NCOR2: variants seen among roughly 807,000 people sequenced by gnomAD.
NCOR2 encodes the protein CTG repeat protein 26.
Under a neutral mutation model 262.9 loss-of-function variants are expected in NCOR2, and 81 were observed. The ratio of observed to expected loss-of-function variants is 0.31; its 90% CI spans 0.26 to 0.37. NCOR2 has a LOEUF of 0.37. Ranked by LOEUF, NCOR2 falls within the 10% of genes least tolerant of loss-of-function variation. The pLI is 1.00. For missense variants in NCOR2, 3,385 were observed against 3,621.4 expected (o/e 0.93, Z 1.68); for synonymous variants, 1,659 against 1,559.3 (o/e 1.06, Z -1.51).
intron 9 of NCOR2, among the ~76,000 whole-genome samples, chr12:124,430,309 C>T (rs2043841980): frequency 6.6e-6 from 1 of 152,240 alleles, no homozygotes; most frequent in Non-Finnish European, 1.5e-5. Flanking sequence ...CTTTGTCCCA[C>T]ACCAGGGATC....
In NCOR2 at chr12:124,549,734, C is replaced by T. The variant is rs560631817; in HGVS notation, c.-164-14123G>A. On this transcript the variant is annotated intron_variant, in intron 1 of 32. Transcript: ENST00000458234. The surrounding 1 kb of genome is among the most constrained non-coding windows in gnomAD (Gnocchi z 4.4). ...CCCGCCTGAAGGTGACAGAGCGCCTCGCCGTATCACCAGCAACCCCTCAAG... is the reference window on the plus strand; with the variant it reads ...CCCGCCTGAAGGTGACAGAGCGCCTTGCCGTATCACCAGCAACCCCTCAAG... 1.3e-5 allele frequency among the ~76,000 whole-genome samples: 2 copies of T among 152,262 alleles called. No homozygotes were observed. Among genetic ancestry groups the T allele is most frequent in the East Asian group, 3.9e-4 (2 of 5,182 alleles).
chr12:124,354,771 C>A (rs2271140), intron 25 of NCOR2, 66 bp downstream of exon 27: 1 of 1,491,728 alleles, frequency 6.7e-7, no homozygotes, highest in African/African-American at 1.4e-5. Context: ...CTTCCTCCCC[C>A]GCCCCACCCA....
At chr12:124,339,416 C>T (rs2135808569) in intron 37 of NCOR2, among the ~76,000 whole-genome samples, 1 of 149,960 alleles carries the variant, frequency 6.7e-6, no homozygotes. Flanking sequence ...CCCACCCACC[C>T]ACACAGCTAA....
chr12:124,354,762 T>C, intron 25 of NCOR2, 75 bp downstream of exon 27: 1 of 1,444,236 alleles, frequency 6.9e-7, no homozygotes, highest in Admixed American at 2.0e-5. Flanking sequence ...AAGATACCCC[T>C]TCCTCCCCCG....
chr12:124,473,556 T>C (rs1375358331), intron 3 of NCOR2, among the ~76,000 whole-genome samples: 1 of 152,172 alleles, frequency 6.6e-6, no homozygotes, highest in African/African-American at 2.4e-5. Context: ...TGTGAGTTAA[T>C]ACTCCTTAAT....
chr12:124,492,870 G>A (rs2048168092), intron 1 of NCOR2, among the ~76,000 whole-genome samples: 1 of 152,076 alleles, frequency 6.6e-6, no homozygotes, highest in Non-Finnish European at 1.5e-5. Context: ...TCTTCCTCCT[G>A]CCCTTCAAGA....
At chr12:124,405,733 C>G (rs1394520100) in intron 13 of NCOR2, among the ~76,000 whole-genome samples, 1 of 152,222 alleles carries the variant, frequency 6.6e-6, no homozygotes, top group Non-Finnish European at 1.5e-5. Context: ...GAGGTCCCAG[C>G]TCACAACTCC....
rs547840009 is a variant in NCOR2 at position 124,557,621 on chromosome 12, G to C, written c.-165+9687C>G. Among the ~76,000 whole-genome samples, 4 of 152,326 alleles carry C rather than the reference G, an allele frequency of 2.6e-5. No individual in the cohort carries two copies. The South Asian group carries it at 8.3e-4, about 32-fold the overall frequency. ...CAGGAGGGACGTGAATGGGTGGGAA[G>C]GTGGCACAGGCACTGTCCAACAACA... On this transcript the variant is annotated intron_variant, in intron 1 of 32. Transcript: ENST00000458234.
upstream of NCOR2, chr12:124,539,477 AG>A (rs1279499754): frequency 6.6e-6 from 1 of 152,124 alleles, no homozygotes; most frequent in Non-Finnish European, 1.5e-5. The surrounding 1 kb of genome is among the most constrained non-coding windows in gnomAD (Gnocchi z 5.1). Context: ...CCTCCCAGGC[AG>A]GCTGGGGGAA....
intron 23 of NCOR2, among the ~76,000 whole-genome samples, chr12:124,356,180 C>T (rs1488445272): frequency 4.6e-5 from 7 of 152,224 alleles, no homozygotes; most frequent in Non-Finnish European, 7.3e-5. Flanking sequence ...ACGCATCCCT[C>T]GGGACCAGCC....
intron 22 of NCOR2, 52 bp downstream of exon 24, chr12:124,362,074 C>A (rs979463670): frequency 1.6e-6 from 2 of 1,247,440 alleles, no homozygotes. Context: ...ACATCCCTTG[C>A]CCGTCAGTCC....
At chr12:124,340,967 C>T (rs73419843) in intron 34 of NCOR2, among the ~76,000 whole-genome samples, 5 of 152,316 alleles carry the variant, frequency 3.3e-5, no homozygotes, top group South Asian at 2.1e-4. Flanking sequence ...CTCCCAAGCC[C>T]GAGCCGGGGC....
chr12:124,521,784 G>A (rs1227233797), intron 1 of NCOR2, among the ~76,000 whole-genome samples: 2 of 152,122 alleles, frequency 1.3e-5, no homozygotes, highest in African/African-American at 2.4e-5. Context: ...TAAATAGGCC[G>A]GGCGCAGTGG....
Position 124,334,410 on chromosome 12 carries a change from C to T in NCOR2, c.6605+14G>A, listed in dbSNP as rs1278162913. 2.0e-6 allele frequency: 3 copies of T among 1,522,174 alleles called. No homozygotes were observed. The highest frequency in any genetic ancestry group is 1.8e-6 in the Non-Finnish European group (2 of 1,134,922). 94.3% of individuals were successfully genotyped at this position (1,522,174 alleles called of 1,614,324 possible). On this transcript the variant is annotated intron_variant, in intron 41 of 46. Transcript: ENST00000405201. ...CCGGCTGACCAGCAAGAGGCACCCCCATCCCTCGCTCACCTCTTGCCCCCT... is the reference window on the plus strand; with the variant it reads ...CCGGCTGACCAGCAAGAGGCACCCCTATCCCTCGCTCACCTCTTGCCCCCT...
intron 13 of NCOR2, among the ~76,000 whole-genome samples, chr12:124,412,319 G>C (rs990098237): frequency 3.3e-5 from 5 of 152,270 alleles, no homozygotes; most frequent in African/African-American, 1.2e-4. Context: ...CCTGGTGCAA[G>C]CACTTCAGAC....
intron 13 of NCOR2, among the ~76,000 whole-genome samples, chr12:124,403,429 G>A (rs947559146): frequency 2.0e-5 from 3 of 151,878 alleles, no homozygotes; most frequent in Non-Finnish European, 2.9e-5. Context: ...TCCCCTCACC[G>A]AGATAGAGGA....
At chr12:124,513,428 T>C (rs567209856) in intron 1 of NCOR2, 1 of 152,340 alleles carries the variant, frequency 6.6e-6, no homozygotes, top group East Asian at 1.9e-4. Context: ...CCCTGCCAGT[T>C]CTGAGCCAGA....
At chr12:124,493,765 T>C (rs2048222516) in intron 1 of NCOR2, among the ~76,000 whole-genome samples, 1 of 152,196 alleles carries the variant, frequency 6.6e-6, no homozygotes, top group Non-Finnish European at 1.5e-5. Context: ...TGGGAGTCTA[T>C]TCCTTAGCCC....
intron 32 of NCOR2, among the ~76,000 whole-genome samples, chr12:124,343,906 G>C (rs1209021757): frequency 6.6e-6 from 1 of 152,186 alleles, no homozygotes; most frequent in Non-Finnish European, 1.5e-5. Context: ...GGGATTACAG[G>C]TGTGAGCCAC....
Sources: allele counts gnomAD v4.1 joint callset (sites outside exome capture counted in the v4.1 genomes callset), GRCh38; gene constraint gnomAD v4.1.1; non-coding constraint Gnocchi (gnomAD v3.1); transcripts MANE v1.5; gene names NCBI Gene and HGNC (gene_info 2026-07-23, HGNC 2026-07-21).